Variants in RARB observed in about 807,000 individuals in gnomAD.
RARB encodes HBV-activated protein.
A neutral mutation model predicts 51.9 loss-of-function variants in RARB; 17 were observed. The ratio of observed to expected loss-of-function variants is 0.33; its 90% CI spans 0.22 to 0.49. RARB has a LOEUF of 0.49. RARB is among the 20% of genes least tolerant of loss of function. RARB has a pLI of 0.99. For synonymous variants in RARB, 215 were observed against 195.4 expected (o/e 1.10, Z -0.84); for missense variants, 369 against 550.8 (o/e 0.67, Z 3.30).
At chr3:25,476,443 G>T (rs956295785) in intron 2 of RARB, among the ~76,000 whole-genome samples, 1 of 152,028 alleles carries the variant, frequency 6.6e-6, no homozygotes, top group South Asian at 2.1e-4. Context: ...TTATTTGGCT[G>T]TGCCTTCTAT....
chr3:24,924,407 G>C (rs1695275208), intron 2 of RARB, among the ~76,000 whole-genome samples: 1 of 152,134 alleles, frequency 6.6e-6, no homozygotes, highest in Admixed American at 6.5e-5. Flanking sequence ...AGAACTTTCT[G>C]TGACAATGAA....
At chr3:24,855,323 G>T (rs531298920) in intron 1 of RARB, among the ~76,000 whole-genome samples, 7 of 152,344 alleles carry the variant, frequency 4.6e-5, no homozygotes, top group African/African-American at 1.7e-4. Flanking sequence ...TGTATGTCTG[G>T]TGGGTTCAGA....
intron 2 of RARB, among the ~76,000 whole-genome samples, chr3:24,896,823 A>G (rs1703489696): frequency 6.6e-6 from 1 of 152,208 alleles, no homozygotes; most frequent in Non-Finnish European, 1.5e-5. Flanking sequence ...TACAATGGAA[A>G]AATAGATCTC....
chr3:25,484,291 T>C (rs548276971), intron 2 of RARB, among the ~76,000 whole-genome samples: 2 of 152,326 alleles, frequency 1.3e-5, no homozygotes, highest in East Asian at 1.9e-4. Context: ...GTTTTCTTCA[T>C]GTCCTGGTTC....
chr3:25,376,106 A>C (rs1431584193), intron 5 of RARB, among the ~76,000 whole-genome samples: 1 of 152,202 alleles, frequency 6.6e-6, no homozygotes, highest in Non-Finnish European at 1.5e-5. Flanking sequence ...TTGCAGGTCT[A>C]ATGATGTATT....
chr3:25,021,212 A>G (rs1697629017), intron 2 of RARB, among the ~76,000 whole-genome samples: 1 of 152,158 alleles, frequency 6.6e-6, no homozygotes, highest in South Asian at 2.1e-4. Context: ...TGCAAATTTA[A>G]TTTTACATCC....
intron 3 of RARB, among the ~76,000 whole-genome samples, chr3:25,077,261 G>A (rs1294695670): frequency 6.6e-6 from 1 of 152,158 alleles, no homozygotes; most frequent in Non-Finnish European, 1.5e-5. Flanking sequence ...CTTACATATA[G>A]AGTTTAAGAA....
chr3:24,930,657 C>A (rs1407907744), intron 2 of RARB, among the ~76,000 whole-genome samples: 1 of 152,024 alleles, frequency 6.6e-6, no homozygotes, highest in Non-Finnish European at 1.5e-5. Flanking sequence ...GTTCCAAATT[C>A]TTTTCAAATG....
At chr3:25,441,309 T>C in intron 1 of RARB, 1 of 388,718 alleles carries the variant, frequency 2.6e-6, no homozygotes, top group Non-Finnish European at 5.0e-6. Flanking sequence ...TTTAAAGTCC[T>C]GAGCAATTTC....
At chr3:25,545,578 T>C (rs1163509411) in intron 3 of RARB, among the ~76,000 whole-genome samples, 1 of 152,138 alleles carries the variant, frequency 6.6e-6, no homozygotes, top group East Asian at 1.9e-4. Flanking sequence ...GTGTGTGCGG[T>C]TGGCATTGCT....
intron 4 of RARB, among the ~76,000 whole-genome samples, chr3:25,168,465 A>T (rs1192641420): frequency 2.0e-5 from 3 of 152,168 alleles, no homozygotes; most frequent in Admixed American, 6.5e-5. Context: ...ATCTCAAGTA[A>T]TCCACCCACC....
intron 5 of RARB, among the ~76,000 whole-genome samples, chr3:25,318,666 C>G (rs573357219): frequency 6.6e-6 from 1 of 152,226 alleles, no homozygotes; most frequent in African/African-American, 2.4e-5. Context: ...AGAAGGAAAT[C>G]TTTAGGAGCA....
chr3:25,437,548 C>T lies in RARB; in HGVS notation c.157+8660C>T, dbSNP rs542717968. On this transcript the variant is annotated intron_variant, in intron 1 of 7. Coordinates refer to ENST00000330688, the MANE Select transcript of RARB (RefSeq NM_000965.5). ...AATGGGAAGAACTTGTGACACAAGTCGTTGTCACATAACCCCCTTATAACA... is the reference window on the plus strand; with the variant it reads ...AATGGGAAGAACTTGTGACACAAGTTGTTGTCACATAACCCCCTTATAACA... Among the ~76,000 whole-genome samples, 19 of 152,216 alleles carry T rather than the reference C, an allele frequency of 1.2e-4. 1 individual carries two copies. The highest frequency in any genetic ancestry group is 3.9e-4 in the African/African-American group (16 of 41,536).
intron 2 of RARB, among the ~76,000 whole-genome samples, chr3:24,969,558 C>G (rs920907624): frequency 1.3e-5 from 2 of 152,196 alleles, no homozygotes; most frequent in Non-Finnish European, 1.5e-5. Context: ...GTTATTCTGT[C>G]TCTTTTATTT....
chr3:25,040,945 G>C (rs1174025905), intron 2 of RARB, among the ~76,000 whole-genome samples: 1 of 152,192 alleles, frequency 6.6e-6, no homozygotes, highest in African/African-American at 2.4e-5. Flanking sequence ...TGAACTCTTT[G>C]AGGGCAAAAG....
chr3:25,467,478 C>G (rs1425202372), intron 2 of RARB, among the ~76,000 whole-genome samples: 1 of 143,508 alleles, frequency 7.0e-6, no homozygotes, highest in Non-Finnish European at 1.5e-5. Context: ...GATGGGTTCC[C>G]ATCAGTAAGA....
chr3:25,202,882 A>G (rs1200582375), intron 5 of RARB, among the ~76,000 whole-genome samples: 1 of 152,108 alleles, frequency 6.6e-6, no homozygotes, highest in African/African-American at 2.4e-5. Flanking sequence ...GAATAACTGC[A>G]ATGTGGTGCT....
chr3:25,516,898 A>T (rs574265262), intron 3 of RARB, among the ~76,000 whole-genome samples: 1 of 152,274 alleles, frequency 6.6e-6, no homozygotes, highest in African/African-American at 2.4e-5. Context: ...AAGTGTTGAG[A>T]TTACAGGTGT....
intron 5 of RARB, among the ~76,000 whole-genome samples, chr3:25,277,842 A>G (rs995930094): frequency 6.6e-6 from 1 of 152,188 alleles, no homozygotes; most frequent in Non-Finnish European, 1.5e-5. Context: ...AAGAAACACA[A>G]CATGTCTTGT....
Sources: allele counts gnomAD v4.1 joint callset (sites outside exome capture counted in the v4.1 genomes callset), GRCh38; gene constraint gnomAD v4.1.1; transcripts MANE v1.5; gene names NCBI Gene and HGNC (gene_info 2026-07-23, HGNC 2026-07-21).